The following AGBL1 variants were observed in gnomAD, a reference collection of about 807,000 sequenced individuals.
AGBL1 encodes AGBL carboxypeptidase 1, also known as cytosolic carboxypeptidase 4.
Under a neutral mutation model 118.9 loss-of-function variants are expected in AGBL1, and 130 were observed. That is an observed-to-expected ratio of 1.09 (90% confidence interval 0.95 to 1.26). The LOEUF (loss-of-function observed/expected upper bound fraction) is 1.26. AGBL1 is among the 50% of genes most tolerant of loss of function. AGBL1 has a pLI of 0.00. For synonymous variants in AGBL1, 555 were observed against 478.9 expected (o/e 1.16, Z -2.08); for missense variants, 1,584 against 1,298.1 (o/e 1.22, Z -3.38).
chr15:86,146,767 G>A (rs974789577), intron 3 of AGBL1, among the ~76,000 whole-genome samples: 2 of 152,012 alleles, frequency 1.3e-5, no homozygotes, highest in African/African-American at 2.4e-5. Context: ...AAATGAGGTT[G>A]GCTGCTCATG....
rs1306818279 is a variant in AGBL1, at chr15:86,286,748, T to TATATATATATATATATATATATAA, written c.2220+6966_2220+6967insTATATATATATATATATATATAAA. On this transcript the variant is annotated intron_variant, in intron 16 of 22. Coordinates refer to ENST00000614907, the MANE Select transcript of AGBL1 (RefSeq NM_001386094.1). ...GTGTTTGTGTGTGTATATATATATA[T>TATATATATATATATATATATATAA]AAAACTCCATCAATGCGCACTGTGG... Among the ~76,000 whole-genome samples, 25 of 146,214 alleles carry TATATATATATATATATATATATAA rather than the reference T, an allele frequency of 1.7e-4. No homozygotes were observed. In the South Asian group the frequency reaches 1.7e-3, roughly 10 times the overall value.
At chr15:86,766,863 AC>A (rs2078103613) in intron 22 of AGBL1, among the ~76,000 whole-genome samples, 1 of 151,882 alleles carries the variant, frequency 6.6e-6, no homozygotes, top group Admixed American at 6.6e-5. Context: ...ACACACACAC[AC>A]ACACACCCCT....
intron 21 of AGBL1, among the ~76,000 whole-genome samples, chr15:86,668,507 C>T (rs2085685664): frequency 6.6e-6 from 1 of 152,104 alleles, no homozygotes; most frequent in Admixed American, 6.6e-5. Context: ...AAATCTATTT[C>T]ACAAAAAGAC....
At chr15:86,153,565 G>A (rs1216183761) in intron 3 of AGBL1, among the ~76,000 whole-genome samples, 2 of 152,112 alleles carry the variant, frequency 1.3e-5, no homozygotes, top group Non-Finnish European at 2.9e-5. Flanking sequence ...TGTAAATGAC[G>A]GGTTGATGGG....
At chr15:86,455,245 A>T (rs1428829739) in intron 18 of AGBL1, among the ~76,000 whole-genome samples, 1 of 152,178 alleles carries the variant, frequency 6.6e-6, no homozygotes, top group Non-Finnish European at 1.5e-5. Context: ...TAGGAGGCAC[A>T]CCATAAATAT....
intron 22 of AGBL1, among the ~76,000 whole-genome samples, chr15:86,827,938 C>CT (rs71144074): frequency 0.011 from 186 of 16,756 alleles, 43 homozygotes; most frequent in Non-Finnish European, 0.018. Context: ...TGATGTAGGG[C>CT]TTTTTTTTTT....
intron 4 of AGBL1, among the ~76,000 whole-genome samples, chr15:86,157,811 C>G (rs955839242): frequency 6.6e-6 from 1 of 152,276 alleles, no homozygotes; most frequent in Admixed American, 6.5e-5. Flanking sequence ...TGGAAGTTCT[C>G]AGATGGCCAA....
At chr15:86,746,897 C>T (rs1423986005) in intron 22 of AGBL1, among the ~76,000 whole-genome samples, 1 of 152,050 alleles carries the variant, frequency 6.6e-6, no homozygotes, top group African/African-American at 2.4e-5. Flanking sequence ...GACCCTATTA[C>T]ATGGTGACCT....
intron 5 of AGBL1, among the ~76,000 whole-genome samples, chr15:86,179,138 T>G (rs568807562): frequency 3.3e-5 from 5 of 152,358 alleles, no homozygotes; most frequent in African/African-American, 4.8e-5. Flanking sequence ...TCTTGATTCC[T>G]TATTTTGGAT....
At chr15:86,196,056 T>A (rs2077796693) in intron 5 of AGBL1, among the ~76,000 whole-genome samples, 1 of 152,234 alleles carries the variant, frequency 6.6e-6, no homozygotes. Flanking sequence ...ATCTGATTTT[T>A]AGCATACTAA....
intron 5 of AGBL1, among the ~76,000 whole-genome samples, chr15:86,214,369 T>C (rs1391330145): frequency 6.6e-6 from 1 of 152,230 alleles, no homozygotes. Flanking sequence ...TCTATTGTAG[T>C]CAAATAGCAA....
chr15:86,158,986 G>C lies in AGBL1; in HGVS notation c.448G>C (p.Val150Leu). ...INGAMELLFK[V>L]ITPYTRKRTQ... Reference sequence around the variant, plus strand: ...TGGAGCCATGGAACTGCTTTTCAAGGTTATTACTCCTTACACCCGAAAGCG... The same window carrying C: ...TGGAGCCATGGAACTGCTTTTCAAGCTTATTACTCCTTACACCCGAAAGCG... Residue 150 changes from valine to leucine, a missense_variant, in exon 5 of 23, where the codon GTT (valine) becomes CTT (leucine). Physicochemically the swap from Val to Leu is conservative, Grantham distance 32 (BLOSUM62 1). Transcript: ENST00000614907. 6.2e-7 allele frequency: 1 copy of C among 1,613,360 alleles called. No homozygotes were observed. The highest frequency in any genetic ancestry group is 1.3e-5 in the African/African-American group (1 of 74,984).
intron 22 of AGBL1, among the ~76,000 whole-genome samples, chr15:86,854,945 T>C (rs189170879): frequency 2.0e-5 from 3 of 152,298 alleles, no homozygotes; most frequent in East Asian, 1.9e-4. Context: ...TGATATCTTA[T>C]ATAGTTGTGA....
At chr15:86,573,279 T>C (rs908619032) in intron 21 of AGBL1, among the ~76,000 whole-genome samples, 5 of 152,234 alleles carry the variant, frequency 3.3e-5, no homozygotes, top group Non-Finnish European at 7.3e-5. Context: ...TCCTGCAATA[T>C]GTTAAGTGCC....
intron 1 of AGBL1, among the ~76,000 whole-genome samples, 185 bp from the exon 2 acceptor site, chr15:86,141,819 A>G (rs1003751155): frequency 1.3e-5 from 2 of 152,180 alleles, no homozygotes; most frequent in African/African-American, 4.8e-5. Flanking sequence ...AGTTCTGAAG[A>G]CTAAATATGG....
intron 17 of AGBL1, among the ~76,000 whole-genome samples, chr15:86,362,315 G>A (rs1453617700): frequency 2.0e-5 from 3 of 152,134 alleles, no homozygotes; most frequent in Non-Finnish European, 1.5e-5. Context: ...CGATAGTAGA[G>A]TTAAACTGGT....
rs2079835698 is a variant in AGBL1, at chr15:86,877,975, C to T, written c.3159-29112C>T. On this transcript the variant is annotated intron_variant, in intron 22 of 22. Transcript: ENST00000614907. ...CCCATCATGGATAACCCAGCCTCCACATCCACCTCATGTTGATGTTGAGGA... is the reference window on the plus strand; with the variant it reads ...CCCATCATGGATAACCCAGCCTCCATATCCACCTCATGTTGATGTTGAGGA... Among the ~76,000 whole-genome samples the T allele has an allele frequency of 2.0e-5, 3 of 152,198 alleles. No homozygotes were observed. In the South Asian group the frequency reaches 6.2e-4, roughly 31 times the overall value.
At chr15:86,344,007 T>C (rs1008155547) in intron 17 of AGBL1, among the ~76,000 whole-genome samples, 1 of 152,226 alleles carries the variant, frequency 6.6e-6, no homozygotes, top group Non-Finnish European at 1.5e-5. Context: ...AGGTAGCATA[T>C]TTTTGTTTCC....
chr15:86,901,746 G>A (rs902154519), intron 22 of AGBL1, among the ~76,000 whole-genome samples: 5 of 151,836 alleles, frequency 3.3e-5, no homozygotes, highest in African/African-American at 1.2e-4. Flanking sequence ...TTCTTTGTAT[G>A]CATTTAGGTG....
Sources: gnomAD v4.1 joint callset for allele counts (sites outside exome capture counted in the v4.1 genomes callset) on GRCh38, gnomAD v4.1.1 for gene constraint, MANE v1.5 for transcripts, NCBI Gene and HGNC (gene_info 2026-07-23, HGNC 2026-07-21) for gene names.